The following DCC variants were observed in gnomAD, a reference collection of about 807,000 sequenced individuals.
DCC encodes the protein netrin receptor DCC.
A neutral mutation model predicts 172.5 loss-of-function variants in DCC; 58 were observed. The ratio of observed to expected loss-of-function variants is 0.34; its 90% CI spans 0.27 to 0.42. The LOEUF (loss-of-function observed/expected upper bound fraction) is 0.42, where lower values mean the gene tolerates loss of function less well. Among genes scored for constraint, DCC ranks in the 10% least tolerant of loss-of-function variants. DCC has a pLI of 1.00. For synonymous variants in DCC, 709 were observed against 644.5 expected, an observed-to-expected ratio of 1.10 and a Z score of -1.52; for missense variants, 1,740 against 1,791.0, an observed-to-expected ratio of 0.97 and a Z score of 0.51.
At chr18:52,584,562 C>T (rs771482105) in intron 1 of DCC, among the ~76,000 whole-genome samples, 1 of 152,088 alleles carries the variant, frequency 6.6e-6, no homozygotes, top group Non-Finnish European at 1.5e-5. Flanking sequence ...ATACCTCTGT[C>T]GATGGACAAC....
chr18:53,439,764 T>G (rs1171707049), intron 22 of DCC, among the ~76,000 whole-genome samples: 1 of 117,570 alleles, frequency 8.5e-6, no homozygotes, highest in Non-Finnish European at 2.1e-5. Flanking sequence ...TGTAGTAGTA[T>G]TTTTCTTTTT....
At chr18:53,388,660 C>T (rs1227265527) in intron 16 of DCC, among the ~76,000 whole-genome samples, 1 of 152,120 alleles carries the variant, frequency 6.6e-6, no homozygotes, top group African/African-American at 2.4e-5. Flanking sequence ...TATCTTGAGC[C>T]TGGAGAAGGA....
intron 21 of DCC, among the ~76,000 whole-genome samples, chr18:53,418,052 T>C (rs1206197314): frequency 1.3e-5 from 2 of 152,270 alleles, no homozygotes; most frequent in East Asian, 1.9e-4. Context: ...TCCATTAATA[T>C]ATTTAGTCAG....
chr18:52,687,311 T>C (rs1450645597), intron 1 of DCC, among the ~76,000 whole-genome samples: 2 of 148,830 alleles, frequency 1.3e-5, no homozygotes, highest in Non-Finnish European at 1.5e-5. Context: ...TGAGAGTAAG[T>C]CTTGCTCTTG....
intron 1 of DCC, among the ~76,000 whole-genome samples, chr18:52,392,284 T>C (rs1269575929): frequency 6.6e-6 from 1 of 152,040 alleles, no homozygotes; most frequent in East Asian, 1.9e-4. Flanking sequence ...TAACAGAAAA[T>C]CCTCTATCTG....
intron 2 of DCC, among the ~76,000 whole-genome samples, chr18:52,765,076 C>T (rs7235764): frequency 0.21 from 31,273 of 150,556 alleles, 4,651 homozygotes; most frequent in African/African-American, 0.42. Context: ...TTGCCCAGGC[C>T]GGAGTGCAGT....
chr18:53,388,959 T>C (rs1218512018), intron 16 of DCC, among the ~76,000 whole-genome samples: 1 of 152,106 alleles, frequency 6.6e-6, no homozygotes, highest in Non-Finnish European at 1.5e-5. Flanking sequence ...ATTTTTTGTT[T>C]GTTTGTTTGA....
At chr18:53,057,345 A>G (rs941427575) in intron 5 of DCC, among the ~76,000 whole-genome samples, 2 of 152,114 alleles carry the variant, frequency 1.3e-5, no homozygotes, top group Admixed American at 6.6e-5. Context: ...ACAACTCTTA[A>G]CAATTGCAGT....
At chr18:52,676,931 C>A (rs1381027573) in intron 1 of DCC, among the ~76,000 whole-genome samples, 1 of 152,260 alleles carries the variant, frequency 6.6e-6, no homozygotes, top group Admixed American at 6.5e-5. Flanking sequence ...AACCAGATAG[C>A]AAATGCCTTA....
At chr18:53,332,510 G>A (rs1365632274) in intron 14 of DCC, among the ~76,000 whole-genome samples, 2 of 152,124 alleles carry the variant, frequency 1.3e-5, no homozygotes, top group Admixed American at 6.5e-5. Flanking sequence ...TATGACACAT[G>A]CATAATAGGT....
rs142727164 is a variant in DCC at position 52,942,201 on chromosome 18, A to G, written c.985+16831A>G. ...TAATATGAAAATACTAATATAATGT[A>G]AAATTCAGTTTATCCATGTTTAGGG... On this transcript the variant is annotated intron_variant, in intron 5 of 28. Transcript: ENST00000442544. Among the ~76,000 whole-genome samples, 743 of 152,344 alleles carry G rather than the reference A, an allele frequency of 4.9e-3. 6 individuals are homozygous for G. The highest frequency in any genetic ancestry group is 0.017 in the African/African-American group (711 of 41,580).
chr18:52,805,290 C>T (rs1271678885), intron 2 of DCC, among the ~76,000 whole-genome samples: 1 of 152,184 alleles, frequency 6.6e-6, no homozygotes, highest in African/African-American at 2.4e-5. Context: ...ATATTAACAG[C>T]TGGCACCAAA....
At chr18:53,382,858 C>G (rs1504741) in intron 15 of DCC, among the ~76,000 whole-genome samples, 105,306 of 151,898 alleles carry the variant, frequency 0.69, 39,727 homozygotes, top group Non-Finnish European at 0.86. Context: ...GGTTTAGAGT[C>G]TCAATATCTT....
chr18:52,626,305 C>T (rs1167048966), intron 1 of DCC, among the ~76,000 whole-genome samples: 1 of 152,180 alleles, frequency 6.6e-6, no homozygotes, highest in Non-Finnish European at 1.5e-5. Context: ...GTGTCTTCCA[C>T]ACATTCAATT....
chr18:53,170,066 G>C (rs1412808661), intron 8 of DCC, among the ~76,000 whole-genome samples: 1 of 152,178 alleles, frequency 6.6e-6, no homozygotes, highest in Non-Finnish European at 1.5e-5. Context: ...AATCCTTGGG[G>C]CTAGAACTGA....
intron 1 of DCC, among the ~76,000 whole-genome samples, chr18:52,495,704 G>A (rs1014162207): frequency 1.3e-5 from 2 of 151,834 alleles, no homozygotes; most frequent in African/African-American, 4.8e-5. Flanking sequence ...GAGTGAGCTT[G>A]AGAAGCTGTA....
rs189874654 is a variant in DCC at position 52,453,511 on chromosome 18, G to A, written c.91+112633G>A. On this transcript the variant is annotated intron_variant, in intron 1 of 28. Transcript: ENST00000442544. ...TACCCATAAAAGGTTTTCATTACAA[G>A]ATAAATGATTATAGCCTGGCTTTAT... is the stretch of plus-strand genomic sequence containing the variant. Among the ~76,000 whole-genome samples the A allele has an allele frequency of 1.9e-3, 290 of 152,264 alleles. 4 individuals carry two copies. Among genetic ancestry groups the A allele is most frequent in the African/African-American group, 5.7e-3 (235 of 41,566 alleles).
intron 8 of DCC, among the ~76,000 whole-genome samples, chr18:53,167,942 C>T (rs1443741858): frequency 6.6e-6 from 1 of 152,090 alleles, no homozygotes; most frequent in Non-Finnish European, 1.5e-5. Flanking sequence ...AAGTGTGAGT[C>T]AGGAGAAGGT....
intron 25 of DCC, among the ~76,000 whole-genome samples, chr18:53,475,695 C>A (rs1381608859): frequency 6.6e-6 from 1 of 152,196 alleles, no homozygotes; most frequent in African/African-American, 2.4e-5. Flanking sequence ...TCATGTAGAA[C>A]CTCTGCTAGG....
Sources: gnomAD v4.1 joint callset for allele counts (sites outside exome capture counted in the v4.1 genomes callset) on GRCh38, gnomAD v4.1.1 for gene constraint, MANE v1.5 for transcripts, NCBI Gene and HGNC (gene_info 2026-07-23, HGNC 2026-07-21) for gene names.